PHYHIP: variants seen among roughly 807,000 people sequenced by gnomAD.
PHYHIP encodes the protein phytanoyl-CoA 2-hydroxylase interacting protein.
PHYHIP carries 7 observed loss-of-function variants against 26.1 expected under a neutral mutation model. The ratio of observed to expected loss-of-function variants is 0.27; its 90% CI spans 0.15 to 0.50. PHYHIP has a LOEUF of 0.50. PHYHIP is among the 20% of genes least tolerant of loss of function. The probability of loss-of-function intolerance (pLI) is 0.98; values close to 1 mark genes in which losing one functional copy is unlikely to be tolerated. For missense variants in PHYHIP, 232 were observed against 454.7 expected (o/e 0.51, Z 4.45); for synonymous variants, 206 against 183.4 (o/e 1.12, Z -1.00).
intron 4 of PHYHIP, 96 bp downstream of exon 4, chr8:22,224,130 G>C: frequency 1.3e-6 from 1 of 760,110 alleles, no homozygotes. Context: ...TGGCAGCCAC[G>C]AGGGTGGGGG....
intron 4 of PHYHIP, chr8:22,223,957 G>A: frequency 2.5e-6 from 1 of 405,444 alleles, no homozygotes; most frequent in Non-Finnish European, 4.5e-6. Context: ...TCCCAGAGTG[G>A]GAGCAAACCC....
chr8:22,223,126 G>A (rs1170599054), intron 4 of PHYHIP, among the ~76,000 whole-genome samples: 1 of 152,050 alleles, frequency 6.6e-6, no homozygotes, highest in Non-Finnish European at 1.5e-5. Flanking sequence ...ACCTTGGGAG[G>A]CCGAGGTGGG....
At chr8:22,223,128 C>T (rs1421884515) in intron 4 of PHYHIP, among the ~76,000 whole-genome samples, 15 of 151,622 alleles carry the variant, frequency 9.9e-5, no homozygotes, top group African/African-American at 3.4e-4. Context: ...CTTGGGAGGC[C>T]GAGGTGGGCG....
chr8:22,225,547 C>T (rs1829725184), intron 3 of PHYHIP, among the ~76,000 whole-genome samples: 1 of 151,270 alleles, frequency 6.6e-6, no homozygotes, highest in African/African-American at 2.4e-5. Flanking sequence ...GTAATCGCAG[C>T]ACTTTGGGAG....
intron 1 of PHYHIP, chr8:22,228,842 G>C (rs1829811055): frequency 6.4e-6 from 1 of 156,260 alleles, no homozygotes; most frequent in South Asian, 2.0e-4. Flanking sequence ...AGAGCTCACA[G>C]GTGCCAGGGC....
At chr8:22,227,609 C>T (rs1196474056) in intron 2 of PHYHIP, 1 of 456,448 alleles carries the variant, frequency 2.2e-6, no homozygotes, top group Admixed American at 2.3e-5. Context: ...TCCTCCCACC[C>T]ACCCCCACAC....
rs200690637 is a variant in PHYHIP, at chr8:22,221,330, G to T, written c.*23C>A. The T allele has an allele frequency of 1.3e-6, 2 of 1,531,168 alleles. No homozygotes were observed. The highest frequency in any genetic ancestry group is 1.8e-6 in the Non-Finnish European group (2 of 1,138,020). 94.8% of individuals were successfully genotyped at this position (1,531,168 alleles called of 1,614,324 possible). On this transcript the variant is annotated 3_prime_UTR_variant, in exon 5 of 5. Coordinates refer to ENST00000454243, the MANE Select transcript of PHYHIP (RefSeq NM_014759.5). The surrounding 1 kb of genome is among the most constrained non-coding windows in gnomAD (Gnocchi z 7.9). ...TCCACCTTCCGCTCATCTCTCCCTC[G>T]CCCCCCAGCTCCCCAGGAGTCCCTA...
At chr8:22,227,562 T>C (rs1586492984) in intron 2 of PHYHIP, 1 of 452,916 alleles carries the variant, frequency 2.2e-6, no homozygotes, top group Non-Finnish European at 4.4e-6. Context: ...GCCGCCTCAC[T>C]CCCCCTGCCT....
chr8:22,227,917 G>A (rs894477886), intron 2 of PHYHIP, among the ~76,000 whole-genome samples: 2 of 152,248 alleles, frequency 1.3e-5, no homozygotes, highest in Admixed American at 6.5e-5. Context: ...TGATAACAAC[G>A]CTCCCTCTGT....
At chr8:22,224,118 A>G in intron 4 of PHYHIP, 108 bp downstream of exon 4, 1 of 724,304 alleles carries the variant, frequency 1.4e-6, no homozygotes, top group South Asian at 1.5e-5. Context: ...TAGAGGAGGG[A>G]CTGGCAGCCA....
rs1829589161 is a variant in PHYHIP at position 22,220,290 on chromosome 8, AG to A, written c.*1062del. 1 of 152,370 alleles carries A rather than the reference AG, an allele frequency of 6.6e-6. No homozygotes were observed. Among genetic ancestry groups the A allele is most frequent in the South Asian group, 2.1e-4 (1 of 4,822 alleles). The allele number at this position is 152,370 out of a possible 1,614,324, so 9.4% of individuals were successfully genotyped here. A position where few individuals can be genotyped will look rare whatever the true frequency, so the allele number is the denominator to read the frequency against. On this transcript the variant is annotated 3_prime_UTR_variant, in exon 5 of 5. Transcript: ENST00000454243. ...GGACTTCACCAAGAACTCCCCGGGGAGGGGCTCCCGGCCAGCAGGGTGGCAG... is the reference window on the plus strand; with the variant it reads ...GGACTTCACCAAGAACTCCCCGGGGAGGGCTCCCGGCCAGCAGGGTGGCAG...
At position 22,227,270 on chromosome 8, in the gene PHYHIP, G is replaced by T. The variant is rs11997130; in HGVS notation, c.166-245C>A. Among the ~76,000 whole-genome samples the T allele has an allele frequency of 6.8e-3, 1,034 of 152,364 alleles. 18 individuals carry two copies. The highest frequency in any genetic ancestry group is 0.024 in the African/African-American group (999 of 41,592). ...GTTCTCTTGGGAACGGAGGGGAAAA[G>T]CCACAAAGTTGAGGACGGCAAGGCC... is the stretch of plus-strand genomic sequence containing the variant. On this transcript the variant is annotated intron_variant, in intron 2 of 4. Coordinates refer to ENST00000454243, the MANE Select transcript of PHYHIP (RefSeq NM_014759.5).
In PHYHIP at chr8:22,232,076, G is replaced by C. The variant is rs1381127616; in HGVS notation, c.-310C>G. 6.5e-6 allele frequency: 1 copy of C among 153,968 alleles called. No homozygotes were observed. The highest frequency in any genetic ancestry group is 2.4e-5 in the African/African-American group (1 of 41,472). 9.5% of individuals were successfully genotyped at this position (153,968 alleles called of 1,614,324 possible). On this transcript the variant is annotated 5_prime_UTR_variant, in exon 1 of 5. Coordinates refer to ENST00000454243, the MANE Select transcript of PHYHIP (RefSeq NM_014759.5). ...AGCGAAATCAAAGCAGCGTGGAGGA[G>C]AGAGAGGCAGAGAAGGGAGAAAGAA...
chr8:22,224,064 A>C (rs1829691014), intron 4 of PHYHIP, 162 bp downstream of exon 4: 1 of 618,058 alleles, frequency 1.6e-6, no homozygotes, highest in African/African-American at 1.8e-5. Flanking sequence ...CCAAAGTAGC[A>C]GTCTCTTCAG....
At position 22,220,638 on chromosome 8, in the gene PHYHIP, G is replaced by A. The variant is rs1381636485; in HGVS notation, c.*715C>T. 6.6e-6 allele frequency: 1 copy of A among 152,326 alleles called. No homozygotes were observed. Among genetic ancestry groups the A allele is most frequent in the Non-Finnish European group, 1.5e-5 (1 of 68,150 alleles). The allele number at this position is 152,326 out of a possible 1,614,324, so 9.4% of individuals were successfully genotyped here. A position where few individuals can be genotyped will look rare whatever the true frequency, so the allele number is the denominator to read the frequency against. ...CAAGGAGAAGGTATGCTGGGGTATG[G>A]AAGGAAGGAACATCCGACAGCCTGA... On this transcript the variant is annotated 3_prime_UTR_variant, in exon 5 of 5. Coordinates refer to ENST00000454243, the MANE Select transcript of PHYHIP (RefSeq NM_014759.5).
At chr8:22,222,595 C>T (rs1292402322) in intron 4 of PHYHIP, among the ~76,000 whole-genome samples, 6 of 152,318 alleles carry the variant, frequency 3.9e-5, no homozygotes, top group African/African-American at 1.4e-4. Context: ...AACAATTACA[C>T]GTACTTTTTA....
At chr8:22,229,990 G>A (rs1400541019) in intron 1 of PHYHIP, among the ~76,000 whole-genome samples, 6 of 152,132 alleles carry the variant, frequency 3.9e-5, no homozygotes, top group African/African-American at 4.8e-5. Context: ...GCCAAATGCC[G>A]GTGGCTTTGT....
At chr8:22,222,187 T>C (rs1487040894) in intron 4 of PHYHIP, among the ~76,000 whole-genome samples, 2 of 152,156 alleles carry the variant, frequency 1.3e-5, no homozygotes, top group Admixed American at 1.3e-4. Context: ...ATCTGATCTC[T>C]GTGGTCTCCT....
intron 3 of PHYHIP, among the ~76,000 whole-genome samples, chr8:22,226,346 T>G (rs1032271107): frequency 1.3e-5 from 2 of 152,204 alleles, no homozygotes; most frequent in Non-Finnish European, 2.9e-5. Context: ...AGGAGTCATA[T>G]TCATAGAAAC....
Sources: gnomAD v4.1 joint callset for allele counts (sites outside exome capture counted in the v4.1 genomes callset) on GRCh38, gnomAD v4.1.1 for gene constraint, Gnocchi (gnomAD v3.1) non-coding constraint, MANE v1.5 for transcripts, NCBI Gene and HGNC (gene_info 2026-07-23, HGNC 2026-07-21) for gene names.